SNTG1: variants seen among roughly 807,000 people sequenced by gnomAD.
The protein encoded by SNTG1 is syntrophin gamma 1.
A neutral mutation model predicts 74.7 loss-of-function variants in SNTG1; 39 were observed. The ratio of observed to expected loss-of-function variants is 0.52; its 90% CI spans 0.40 to 0.68. SNTG1 has a LOEUF of 0.68. SNTG1 is among the 30% of genes least tolerant of loss of function. The probability of loss-of-function intolerance (pLI) is 0.00; values close to 1 mark genes in which losing one functional copy is unlikely to be tolerated. For missense variants in SNTG1, 685 were observed against 609.5 expected (o/e 1.12, Z -1.30); for synonymous variants, 254 against 217.1 (o/e 1.17, Z -1.49).
At chr8:50,275,465 T>C (rs2088041325) in intron 2 of SNTG1, among the ~76,000 whole-genome samples, 2 of 152,302 alleles carry the variant, frequency 1.3e-5, no homozygotes, top group Non-Finnish European at 2.9e-5. Context: ...TTAAAAAATA[T>C]TTTTGTGTTT....
rs575413332 is a variant in SNTG1, at chr8:49,932,462, T to C, written c.-103+20231T>C. ...AATAATATTGAACATTATTATTGAATAATATATAACTTTCATTATTAATGT... is the reference window on the plus strand; with the variant it reads ...AATAATATTGAACATTATTATTGAACAATATATAACTTTCATTATTAATGT... On this transcript the variant is annotated intron_variant, in intron 1 of 18. Transcript: ENST00000642720. Among the ~76,000 whole-genome samples the C allele has an allele frequency of 1.4e-3, 218 of 152,182 alleles. 7 individuals are homozygous for C. The South Asian group carries it at 0.042, about 29-fold the overall frequency.
intron 12 of SNTG1, among the ~76,000 whole-genome samples, chr8:50,574,838 A>C (rs2094567963): frequency 6.6e-6 from 1 of 152,164 alleles, no homozygotes; most frequent in East Asian, 1.9e-4. Flanking sequence ...ATTTATTTGC[A>C]TAAGAACATG....
intron 8 of SNTG1, among the ~76,000 whole-genome samples, chr8:50,493,747 T>C (rs1434497973): frequency 6.6e-6 from 1 of 150,562 alleles, no homozygotes; most frequent in African/African-American, 2.4e-5. Context: ...ATATATAATA[T>C]TTTTTACTTC....
intron 9 of SNTG1, among the ~76,000 whole-genome samples, chr8:50,517,145 A>G (rs1039790314): frequency 3.9e-5 from 6 of 152,206 alleles, no homozygotes; most frequent in Non-Finnish European, 7.3e-5. Context: ...AATATTCAAC[A>G]TTCTTAAAGA....
intron 17 of SNTG1, among the ~76,000 whole-genome samples, chr8:50,745,352 T>G (rs1335362170): frequency 6.6e-6 from 1 of 151,978 alleles, no homozygotes; most frequent in East Asian, 1.9e-4. Flanking sequence ...GTTACCACTT[T>G]ACATTCATTG....
intron 2 of SNTG1, among the ~76,000 whole-genome samples, chr8:50,390,454 C>T (rs1249916899): frequency 6.6e-6 from 1 of 152,144 alleles, no homozygotes; most frequent in Non-Finnish European, 1.5e-5. Context: ...CAGTACCATG[C>T]TGTTTTAGTT....
intron 1 of SNTG1, among the ~76,000 whole-genome samples, chr8:50,021,279 G>T (rs1816791732): frequency 6.6e-6 from 1 of 152,054 alleles, no homozygotes; most frequent in Non-Finnish European, 1.5e-5. Flanking sequence ...CATTGTCATT[G>T]TTTCTCACCA....
At chr8:50,629,502 T>C (rs910080134) in intron 13 of SNTG1, among the ~76,000 whole-genome samples, 1 of 152,056 alleles carries the variant, frequency 6.6e-6, no homozygotes, top group African/African-American at 2.4e-5. Flanking sequence ...AAATCCTTAC[T>C]GTCCATACTC....
intron 2 of SNTG1, among the ~76,000 whole-genome samples, chr8:50,305,312 G>A (rs1238071908): frequency 1.3e-5 from 2 of 151,834 alleles, no homozygotes; most frequent in Non-Finnish European, 2.9e-5. Flanking sequence ...TTCTCTTATG[G>A]TGTACCTGCT....
At chr8:50,251,723 T>G (rs2086655624) in intron 2 of SNTG1, among the ~76,000 whole-genome samples, 1 of 152,040 alleles carries the variant, frequency 6.6e-6, no homozygotes, top group South Asian at 2.1e-4. Flanking sequence ...CAAGTATTAC[T>G]AGACCTAAAA....
At chr8:50,674,660 C>G (rs1423405858) in intron 15 of SNTG1, among the ~76,000 whole-genome samples, 2 of 151,822 alleles carry the variant, frequency 1.3e-5, no homozygotes, top group African/African-American at 4.8e-5. Context: ...GTGTCTCTAT[C>G]TCCTTCAATT....
chr8:50,216,545 A>T (rs1050137505), intron 2 of SNTG1, among the ~76,000 whole-genome samples: 13 of 152,120 alleles, frequency 8.5e-5, no homozygotes, highest in African/African-American at 3.1e-4. Flanking sequence ...AATCTATCAC[A>T]TCCTTTTGTT....
intron 2 of SNTG1, among the ~76,000 whole-genome samples, chr8:50,202,786 CTTTGT>C (rs1380969170): frequency 1.4e-5 from 2 of 141,410 alleles, no homozygotes; most frequent in African/African-American, 5.8e-5. Context: ...AAGACTTTCT[CTTTGT>C]TTTGTTTTTT....
At chr8:50,302,228 C>T (rs1394524553) in intron 2 of SNTG1, among the ~76,000 whole-genome samples, 1 of 152,140 alleles carries the variant, frequency 6.6e-6, no homozygotes, top group Non-Finnish European at 1.5e-5. Flanking sequence ...CTTTTAATTT[C>T]TGCATGTGTA....
At chr8:50,134,654 T>C (rs1207655378) in intron 1 of SNTG1, among the ~76,000 whole-genome samples, 1 of 152,146 alleles carries the variant, frequency 6.6e-6, no homozygotes, top group South Asian at 2.1e-4. Flanking sequence ...GGTACATTCC[T>C]TTTTCTTAAC....
chr8:50,397,064 TA>T, intron 3 of SNTG1, among the ~76,000 whole-genome samples: 1 of 152,352 alleles, frequency 6.6e-6, no homozygotes, highest in African/African-American at 2.4e-5. Context: ...GTGGATTTTG[TA>T]AAAAGTTCCA....
At chr8:50,311,410 A>G (rs2090107105) in intron 2 of SNTG1, among the ~76,000 whole-genome samples, 3 of 152,214 alleles carry the variant, frequency 2.0e-5, no homozygotes, top group Admixed American at 6.5e-5. Context: ...TGCTTTTATA[A>G]TCATGTTTTG....
At chr8:50,103,031 T>G (rs1477538992) in intron 1 of SNTG1, among the ~76,000 whole-genome samples, 1 of 151,948 alleles carries the variant, frequency 6.6e-6, no homozygotes, top group Admixed American at 6.6e-5. Context: ...TAGGATTGAC[T>G]TGGCGATGCG....
chr8:50,336,081 G>A (rs2091133238), intron 2 of SNTG1, among the ~76,000 whole-genome samples: 2 of 152,080 alleles, frequency 1.3e-5, no homozygotes, highest in African/African-American at 4.8e-5. Flanking sequence ...TAAGTATTAT[G>A]TGTTGGGTAT....
Sources: allele counts gnomAD v4.1 joint callset (sites outside exome capture counted in the v4.1 genomes callset), GRCh38; gene constraint gnomAD v4.1.1; transcripts MANE v1.5; gene names NCBI Gene and HGNC (gene_info 2026-07-23, HGNC 2026-07-21).